SLC2A12: variants seen among roughly 807,000 people sequenced by gnomAD.
SLC2A12 encodes solute carrier family 2, facilitated glucose transporter member 12.
A neutral mutation model predicts 41.8 loss-of-function variants in SLC2A12; 23 were observed. The ratio of observed to expected loss-of-function variants is 0.55; its 90% CI spans 0.40 to 0.78. The LOEUF is 0.78. Among genes scored for constraint, SLC2A12 ranks in the 30% least tolerant of loss-of-function variants. The pLI is 0.00. For missense variants in SLC2A12, 654 were observed against 745.6 expected (o/e 0.88, Z 1.43); for synonymous variants, 295 against 285.9 (o/e 1.03, Z -0.32).
At chr6:134,034,596 TC>T (rs1333629289) in intron 1 of SLC2A12, among the ~76,000 whole-genome samples, 3 of 152,210 alleles carry the variant, frequency 2.0e-5, no homozygotes, top group Non-Finnish European at 4.4e-5. Flanking sequence ...CAAGATGCTA[TC>T]CTATGGATGC....
chr6:134,013,442 T>C (rs921975369), intron 2 of SLC2A12, among the ~76,000 whole-genome samples: 1 of 152,172 alleles, frequency 6.6e-6, no homozygotes, highest in African/African-American at 2.4e-5. Flanking sequence ...ATATCTTACA[T>C]ATTTTAGAAA....
In SLC2A12 at chr6:134,029,302, T is replaced by C. The variant is rs1163547888; in HGVS notation, c.523A>G (p.Ile175Val). The C allele has an allele frequency of 6.2e-6, 10 of 1,614,150 alleles. No individual in the cohort carries two copies. The highest frequency in any genetic ancestry group is 8.5e-6 in the Non-Finnish European group (10 of 1,180,030). ...TAGGCAGAAAGAATGCCGATGACAA[T>C]CATCAGCTCATTCAGTGACACAAGA... ...GLLVSLNELMIVIGILSAYIS... is the reference protein window; with the variant it reads ...GLLVSLNELMVVIGILSAYIS... The change falls in exon 2 of 5, where the codon ATT becomes GTT. Residue 175 changes from isoleucine to valine, a missense_variant. This residue lies in a region of SLC2A12 where 411 missense variants were observed against 412.1 expected (regional missense o/e 1.00). Coordinates refer to ENST00000275230, the MANE Select transcript of SLC2A12 (RefSeq NM_145176.3).
rs1777151345 is a variant in SLC2A12, at chr6:134,028,771, A to AG, written c.1053dup (p.Ser352LeufsTer37). 1 of 1,614,130 alleles carries AG rather than the reference A, an allele frequency of 6.2e-7. No homozygotes were observed. The highest frequency in any genetic ancestry group is 1.3e-5 in the African/African-American group (1 of 74,952). ...GTCACCAACGAAGCTGCCATCACAG[A>AG]GGAGCCAATGCAGAGGAATGTTTTG... On this transcript the variant is annotated frameshift_variant, in exon 2 of 5. Coordinates refer to ENST00000275230, the MANE Select transcript of SLC2A12 (RefSeq NM_145176.3). LOFTEE classifies it high-confidence loss of function.
At chr6:133,996,060 T>C (rs1005859583) in intron 4 of SLC2A12, among the ~76,000 whole-genome samples, 2 of 152,224 alleles carry the variant, frequency 1.3e-5, no homozygotes, top group African/African-American at 2.4e-5. Flanking sequence ...ATCTAATCAG[T>C]ATACTGGAAA....
intron 1 of SLC2A12, among the ~76,000 whole-genome samples, chr6:134,031,492 T>C (rs982720024): frequency 4.8e-4 from 73 of 152,198 alleles, no homozygotes; most frequent in African/African-American, 1.8e-3. Context: ...GAACCCAGGA[T>C]GGCTCTGTGG....
intron 2 of SLC2A12, among the ~76,000 whole-genome samples, chr6:134,014,105 T>C (rs573214616): frequency 2.6e-5 from 4 of 152,358 alleles, no homozygotes; most frequent in East Asian, 1.9e-4. Context: ...GGACTGGTTT[T>C]GTGGAAGACA....
chr6:134,015,674 G>A (rs2114448620), intron 2 of SLC2A12, among the ~76,000 whole-genome samples: 1 of 152,242 alleles, frequency 6.6e-6, no homozygotes, highest in African/African-American at 2.4e-5. Flanking sequence ...AAGAATACCA[G>A]AATCTTTTTT....
At chr6:134,028,240 A>G in intron 2 of SLC2A12, 141 bp downstream of exon 2, 2 of 1,134,792 alleles carry the variant, frequency 1.8e-6, no homozygotes, top group Non-Finnish European at 2.5e-6. Flanking sequence ...ATATAAGCCA[A>G]GCATACTTTC....
At chr6:133,992,593 A>G (rs1448520171) in intron 4 of SLC2A12, among the ~76,000 whole-genome samples, 1 of 152,188 alleles carries the variant, frequency 6.6e-6, no homozygotes, top group African/African-American at 2.4e-5. Context: ...GGGTTAAAAT[A>G]AACTAAGAGT....
intron 2 of SLC2A12, among the ~76,000 whole-genome samples, chr6:134,019,427 G>A (rs1260688930): frequency 1.3e-5 from 2 of 152,238 alleles, no homozygotes; most frequent in African/African-American, 2.4e-5. Flanking sequence ...CGTTGTGAAA[G>A]CTTGAACCAT....
At chr6:134,012,125 CTTG>C (rs990482648) in intron 2 of SLC2A12, among the ~76,000 whole-genome samples, 1 of 152,178 alleles carries the variant, frequency 6.6e-6, no homozygotes, top group Admixed American at 6.5e-5. Flanking sequence ...GCTTTAATTT[CTTG>C]TTCTTTTTTG....
intron 3 of SLC2A12, among the ~76,000 whole-genome samples, chr6:134,002,454 G>A (rs1776764919): frequency 2.0e-5 from 3 of 152,052 alleles, no homozygotes; most frequent in Admixed American, 2.0e-4. Context: ...TGCAAAAAAG[G>A]AACCTCAAAT....
At chr6:134,007,930 CTTTT>C (rs2114435176) in intron 2 of SLC2A12, among the ~76,000 whole-genome samples, 1 of 152,270 alleles carries the variant, frequency 6.6e-6, no homozygotes, top group South Asian at 2.1e-4. Context: ...GGAATTCATG[CTTTT>C]TTGTCATTGT....
Position 133,992,353 on chromosome 6 carries a change from A to G in SLC2A12, c.1701-1045T>C, listed in dbSNP as rs142553792. The stretch of plus-strand genomic sequence containing the variant: ...CTCAATTTATTTTCTCAGTGAACTA[A>G]AAAGCAAAATAATTAGAGTGAAGAA... On this transcript the variant is annotated intron_variant, in intron 4 of 4. Coordinates refer to ENST00000275230, the MANE Select transcript of SLC2A12 (RefSeq NM_145176.3). Among the ~76,000 whole-genome samples the G allele has an allele frequency of 4.5e-3, 683 of 152,256 alleles. 2 individuals are homozygous for G. Among genetic ancestry groups the G allele is most frequent in the Non-Finnish European group, 7.2e-3 (489 of 68,012 alleles).
In SLC2A12 at chr6:134,028,654, TCA is replaced by T. The variant is rs771372418; in HGVS notation, c.1169_1170del (p.Val390AspfsTer25). 6.2e-7 allele frequency: 1 copy of T among 1,614,184 alleles called. No homozygotes were observed. Among genetic ancestry groups the T allele is most frequent in the South Asian group, 1.1e-5 (1 of 91,068 alleles). ...NSINQSLDESVIYGPGNLSTN... is the reference protein window; with the variant it reads ...NSINQSLDESXIYGPGNLSTN... ...GTTGACAGGTTTCCTGGTCCATAAA[TCA>T]CAGACTCATCCAAGGACTGGTTGAT... On this transcript the variant is annotated frameshift_variant, in exon 2 of 5. Transcript: ENST00000275230. LOFTEE classifies it high-confidence loss of function.
chr6:134,031,793 G>T (rs1777211815), intron 1 of SLC2A12, among the ~76,000 whole-genome samples: 1 of 152,222 alleles, frequency 6.6e-6, no homozygotes, highest in African/African-American at 2.4e-5. Context: ...GGAGCTTAAA[G>T]ATAGGTCAAG....
chr6:134,044,741 T>G (rs1777432967), intron 1 of SLC2A12, among the ~76,000 whole-genome samples: 1 of 141,162 alleles, frequency 7.1e-6, no homozygotes, highest in African/African-American at 2.7e-5. Context: ...AAAAGAATAA[T>G]GTCTTAGATA....
chr6:134,002,005 T>C lies in SLC2A12; in HGVS notation c.1692A>G (p.Leu564=), dbSNP rs540592328. ...ATGCATGTAATACTTACACTTTTGC[T>C]AGCTCCATTGATATTTGTTCCAAAG... ...GCSLEQISME[L]AKVNYVKNNI... Residue 564 remains leucine (L), a synonymous_variant, in exon 4 of 5, where the codon CTA becomes CTG. Transcript: ENST00000275230. 43 of 1,609,650 alleles carry C rather than the reference T, an allele frequency of 2.7e-5. No individual in the cohort carries two copies. The South Asian group carries it at 4.8e-4, about 18-fold the overall frequency.
intron 2 of SLC2A12, among the ~76,000 whole-genome samples, chr6:134,024,275 T>C (rs1433357725): frequency 6.6e-6 from 1 of 152,126 alleles, no homozygotes. Flanking sequence ...ATTCAGTGAG[T>C]CGTCTCTGCT....
Sources: gnomAD v4.1 joint callset for allele counts (sites outside exome capture counted in the v4.1 genomes callset) on GRCh38, gnomAD v4.1.1 for gene constraint, gnomAD v4.1.1 regional missense constraint, MANE v1.5 for transcripts, NCBI Gene and HGNC (gene_info 2026-07-23, HGNC 2026-07-21) for gene names.